Variants in CHRM3 observed in about 807,000 individuals in gnomAD.
The protein encoded by CHRM3 is muscarinic acetylcholine receptor M3.
A neutral mutation model predicts 41.8 loss-of-function variants in CHRM3; 11 were observed. The observed-to-expected ratio is 0.26, with a 90% confidence interval of 0.17 to 0.44. The LOEUF is 0.44. Ranked by LOEUF, CHRM3 falls within the 20% of genes least tolerant of loss-of-function variation. The pLI is 1.00. For synonymous variants in CHRM3, 297 were observed against 301.4 expected, an observed-to-expected ratio of 0.99 and a Z score of 0.15; for missense variants, 571 against 745.4, an observed-to-expected ratio of 0.77 and a Z score of 2.72.
intron 5 of CHRM3, among the ~76,000 whole-genome samples, chr1:239,823,410 T>G (rs954352996): frequency 7.2e-5 from 11 of 152,022 alleles, no homozygotes; most frequent in African/African-American, 2.7e-4. Context: ...CCAATTATGA[T>G]CAATTCCCCC....
At chr1:239,555,436 G>A (rs898968362) in intron 3 of CHRM3, among the ~76,000 whole-genome samples, 4 of 152,186 alleles carry the variant, frequency 2.6e-5, no homozygotes, top group Non-Finnish European at 1.5e-5. Context: ...AAATGAGGTA[G>A]AAGGTGGGAC....
At chr1:239,549,553 C>T (rs576311558) in intron 3 of CHRM3, among the ~76,000 whole-genome samples, 31 of 150,092 alleles carry the variant, frequency 2.1e-4, no homozygotes, top group African/African-American at 5.4e-4. Flanking sequence ...CCCAGCTGCC[C>T]GGGAGGCTGA....
intron 1 of CHRM3, among the ~76,000 whole-genome samples, chr1:239,443,962 A>G (rs1403254715): frequency 6.6e-6 from 1 of 152,186 alleles, no homozygotes; most frequent in African/African-American, 2.4e-5. Flanking sequence ...ATAGTTTTCA[A>G]AATCCATCTA....
At chr1:239,465,618 T>G (rs1276226771) in intron 1 of CHRM3, among the ~76,000 whole-genome samples, 1 of 152,138 alleles carries the variant, frequency 6.6e-6, no homozygotes, top group Non-Finnish European at 1.5e-5. Flanking sequence ...ATGGCCAAAC[T>G]AGGAACTGGG....
At chr1:239,474,737 A>C (rs183354934) in intron 1 of CHRM3, among the ~76,000 whole-genome samples, 1 of 152,282 alleles carries the variant, frequency 6.6e-6, no homozygotes, top group African/African-American at 2.4e-5. Flanking sequence ...TCAGCTTATA[A>C]GTGGATTTTG....
intron 6 of CHRM3, among the ~76,000 whole-genome samples, chr1:239,884,691 T>C (rs557874226): frequency 5.4e-4 from 82 of 152,204 alleles, no homozygotes; most frequent in Non-Finnish European, 1.1e-3. Context: ...AAATTTCTTT[T>C]TATCTTTTAG....
chr1:239,494,468 A>T (rs1417029714), intron 2 of CHRM3, among the ~76,000 whole-genome samples: 1 of 152,178 alleles, frequency 6.6e-6, no homozygotes, highest in East Asian at 1.9e-4. Context: ...ACATAAAAAA[A>T]CACCTAAACC....
At chr1:239,605,500 A>G (rs6429140) in intron 3 of CHRM3, among the ~76,000 whole-genome samples, 94,014 of 152,084 alleles carry the variant, frequency 0.62, 35,123 homozygotes, top group Non-Finnish European at 0.8. Flanking sequence ...TTCTTAGACT[A>G]GATCCTCATC....
chr1:239,511,839 C>G (rs1033183910), intron 2 of CHRM3, among the ~76,000 whole-genome samples: 10 of 152,006 alleles, frequency 6.6e-5, no homozygotes, highest in Non-Finnish European at 1.5e-4. Context: ...TGAATAGATC[C>G]GGAAAGCAAA....
At chr1:239,850,464 A>T (rs774086950) in intron 6 of CHRM3, among the ~76,000 whole-genome samples, 53 of 152,240 alleles carry the variant, frequency 3.5e-4, no homozygotes, top group Middle Eastern at 3.4e-3. Context: ...AGAAATCTAC[A>T]TATAGACCCA....
chr1:239,780,158 G>A (rs2148794563), intron 5 of CHRM3, among the ~76,000 whole-genome samples: 1 of 152,308 alleles, frequency 6.6e-6, no homozygotes, highest in African/African-American at 2.4e-5. Context: ...TAATGTGATT[G>A]CCAGATTGTA....
chr1:239,696,619 A>G (rs1558463412), intron 5 of CHRM3, among the ~76,000 whole-genome samples: 1 of 152,244 alleles, frequency 6.6e-6, no homozygotes, highest in African/African-American at 2.4e-5. Flanking sequence ...CCAGCATTAA[A>G]TAAATAATTA....
intron 3 of CHRM3, among the ~76,000 whole-genome samples, chr1:239,622,701 T>C (rs1005301340): frequency 5.3e-5 from 8 of 152,344 alleles, no homozygotes; most frequent in Admixed American, 1.3e-4. Context: ...AGTGGTTTTC[T>C]TGAGATGGAA....
chr1:239,801,695 G>C (rs1487499439), intron 5 of CHRM3, among the ~76,000 whole-genome samples: 1 of 152,142 alleles, frequency 6.6e-6, no homozygotes, highest in African/African-American at 2.4e-5. Flanking sequence ...TGCATTACTA[G>C]GTGAATAGTT....
chr1:239,417,979 A>G (rs1309855157), intron 1 of CHRM3, among the ~76,000 whole-genome samples: 3 of 152,216 alleles, frequency 2.0e-5, no homozygotes, highest in Admixed American at 6.5e-5. Context: ...TGTCTTGATA[A>G]GAAAGCTAAG....
intron 6 of CHRM3, among the ~76,000 whole-genome samples, chr1:239,868,533 T>TATAAACTTTA (rs1472056268): frequency 3.9e-5 from 6 of 152,154 alleles, no homozygotes; most frequent in Non-Finnish European, 8.8e-5. Flanking sequence ...AGACCACTAC[T>TATAAACTTTA]ATAAACTTTA....
At chr1:239,679,978 C>T (rs1658404279) in intron 5 of CHRM3, among the ~76,000 whole-genome samples, 1 of 152,020 alleles carries the variant, frequency 6.6e-6, no homozygotes, top group South Asian at 2.1e-4. Flanking sequence ...AAATCAACAC[C>T]TCTCAGGGTG....
intron 2 of CHRM3, among the ~76,000 whole-genome samples, chr1:239,493,410 G>C (rs1230209886): frequency 6.6e-6 from 1 of 152,060 alleles, no homozygotes; most frequent in Non-Finnish European, 1.5e-5. Context: ...AACTCTATCA[G>C]ATGAATTTTT....
At chr1:239,593,527 TGCTGTGATCTGTTTACTAG>T (rs1191393721) in intron 3 of CHRM3, among the ~76,000 whole-genome samples, 3 of 152,146 alleles carry the variant, frequency 2.0e-5, no homozygotes, top group Non-Finnish European at 4.4e-5. Context: ...CTGAGATCAA[TGCTGTGATCTGTTTACTAG>T]GCTGTTGTCA....
Sources: allele counts gnomAD v4.1 joint callset (sites outside exome capture counted in the v4.1 genomes callset), GRCh38; gene constraint gnomAD v4.1.1; transcripts MANE v1.5; gene names NCBI Gene and HGNC (gene_info 2026-07-23, HGNC 2026-07-21).